Variants in CCDC148 observed in about 807,000 individuals in gnomAD.
CCDC148 encodes the protein coiled-coil domain containing 148.
A neutral mutation model predicts 85.7 loss-of-function variants in CCDC148; 89 were observed. That is an observed-to-expected ratio of 1.04 (90% confidence interval 0.87 to 1.24). The LOEUF is 1.24. CCDC148 is among the 50% of genes most tolerant of loss of function. The pLI, the probability that CCDC148 is intolerant of heterozygous loss-of-function variation, is 0.00. For synonymous variants in CCDC148, 230 were observed against 213.9 expected (o/e 1.08, Z -0.66); for missense variants, 692 against 671.7 (o/e 1.03, Z -0.33).
At chr2:158,376,708 G>A (rs1480410376) in intron 1 of CCDC148, among the ~76,000 whole-genome samples, 3 of 151,914 alleles carry the variant, frequency 2.0e-5, no homozygotes, top group African/African-American at 7.2e-5. Flanking sequence ...AAAAAGAAAC[G>A]CAGAGGGAAC....
intron 2 of CCDC148, among the ~76,000 whole-genome samples, chr2:158,346,769 A>G (rs1475164898): frequency 1.3e-5 from 2 of 152,228 alleles, no homozygotes; most frequent in African/African-American, 4.8e-5. Context: ...GGAAATGTAA[A>G]GACTTCAGAA....
intron 11 of CCDC148, among the ~76,000 whole-genome samples, chr2:158,197,885 T>A (rs911919102): frequency 6.6e-6 from 1 of 152,100 alleles, no homozygotes. Flanking sequence ...ATTAACTGGT[T>A]AATGCAATTA....
chr2:158,177,914 T>C (rs1684675351), intron 12 of CCDC148: 1 of 152,102 alleles, frequency 6.6e-6, no homozygotes. Flanking sequence ...ATGGGGATAT[T>C]AATATTGCCC....
At chr2:158,450,196 T>C (rs1239630494) in intron 1 of CCDC148, among the ~76,000 whole-genome samples, 2 of 152,190 alleles carry the variant, frequency 1.3e-5, no homozygotes, top group Non-Finnish European at 2.9e-5. Flanking sequence ...TTTTGAATGA[T>C]TCATTTTCTC....
intron 10 of CCDC148, among the ~76,000 whole-genome samples, chr2:158,224,193 CA>C (rs1687361952): frequency 6.6e-6 from 1 of 151,968 alleles, no homozygotes; most frequent in Non-Finnish European, 1.5e-5. Context: ...AGTAGCCGAT[CA>C]ACTGGAAGAA....
chr2:158,182,139 T>C (rs1037492580), intron 11 of CCDC148, among the ~76,000 whole-genome samples: 12 of 152,058 alleles, frequency 7.9e-5, no homozygotes, highest in African/African-American at 2.7e-4. Context: ...AAGAATTAAG[T>C]TCAGTTTGAA....
At chr2:158,407,816 G>A (rs1686090096) in intron 1 of CCDC148, among the ~76,000 whole-genome samples, 1 of 152,140 alleles carries the variant, frequency 6.6e-6, no homozygotes, top group East Asian at 1.9e-4. Context: ...GAGAGATCAT[G>A]CAGATTTCAT....
chr2:158,439,020 T>C (rs1414277108), intron 1 of CCDC148, among the ~76,000 whole-genome samples: 1 of 152,216 alleles, frequency 6.6e-6, no homozygotes, highest in Non-Finnish European at 1.5e-5. Context: ...ACTTTTACAC[T>C]GTTGGTGGGA....
chr2:158,326,742 A>G (rs770682032), intron 7 of CCDC148, among the ~76,000 whole-genome samples: 3 of 152,174 alleles, frequency 2.0e-5, no homozygotes, highest in Admixed American at 6.6e-5. Context: ...TCAAAATTCA[A>G]AAAGTTTAAT....
chr2:158,272,743 G>A (rs921736258), intron 9 of CCDC148, among the ~76,000 whole-genome samples: 1 of 152,192 alleles, frequency 6.6e-6, no homozygotes, highest in Non-Finnish European at 1.5e-5. Flanking sequence ...AACTGGTCTT[G>A]AGTCAAGCAT....
At chr2:158,208,402 G>A (rs1442183277) in intron 11 of CCDC148, among the ~76,000 whole-genome samples, 1 of 152,120 alleles carries the variant, frequency 6.6e-6, no homozygotes, top group Non-Finnish European at 1.5e-5. Context: ...ACTGTAAGCT[G>A]AGGCCTGATG....
At chr2:158,180,635 G>GA (rs1426198854) in intron 11 of CCDC148, among the ~76,000 whole-genome samples, 1 of 152,078 alleles carries the variant, frequency 6.6e-6, no homozygotes, top group Non-Finnish European at 1.5e-5. Flanking sequence ...GGCAAGAACA[G>GA]AACAAGTGAA....
intron 1 of CCDC148, among the ~76,000 whole-genome samples, chr2:158,376,506 C>T (rs1684656354): frequency 6.6e-6 from 1 of 152,012 alleles, no homozygotes; most frequent in Non-Finnish European, 1.5e-5. Flanking sequence ...CTATAAAACT[C>T]TATTAAATTA....
intron 11 of CCDC148, among the ~76,000 whole-genome samples, chr2:158,180,127 A>C (rs569205376): frequency 2.6e-5 from 4 of 152,116 alleles, no homozygotes; most frequent in Non-Finnish European, 4.4e-5. Context: ...TGAAAGATTT[A>C]GCTTTCTCTG....
At chr2:158,303,977 A>G (rs1332004738) in intron 9 of CCDC148, among the ~76,000 whole-genome samples, 1 of 152,132 alleles carries the variant, frequency 6.6e-6, no homozygotes, top group Admixed American at 6.5e-5. Flanking sequence ...GTACAGCATG[A>G]TGTGTGAGAC....
intron 11 of CCDC148, among the ~76,000 whole-genome samples, chr2:158,213,073 G>A (rs1686663099): frequency 6.6e-6 from 1 of 152,172 alleles, no homozygotes; most frequent in Admixed American, 6.5e-5. Context: ...TATGAATTTA[G>A]TTGGTCTGGA....
At chr2:158,333,053 G>T (rs2105234721) in intron 7 of CCDC148, among the ~76,000 whole-genome samples, 1 of 152,118 alleles carries the variant, frequency 6.6e-6, no homozygotes, top group African/African-American at 2.4e-5. Flanking sequence ...TCTGATCTTA[G>T]TTATTTCTTG....
At chr2:158,222,853 G>A (rs537481094) in intron 10 of CCDC148, among the ~76,000 whole-genome samples, 23 of 152,290 alleles carry the variant, frequency 1.5e-4, no homozygotes, top group Admixed American at 5.2e-4. Flanking sequence ...CAAGATGGCC[G>A]AATAGGAACA....
intron 2 of CCDC148, among the ~76,000 whole-genome samples, chr2:158,348,980 A>G (rs1366523926): frequency 6.6e-6 from 1 of 151,966 alleles, no homozygotes; most frequent in Non-Finnish European, 1.5e-5. Context: ...TTTTAGCCCA[A>G]CTCTATTATT....
Sources: allele counts gnomAD v4.1 joint callset (sites outside exome capture counted in the v4.1 genomes callset), GRCh38; gene constraint gnomAD v4.1.1; transcripts MANE v1.5; gene names NCBI Gene and HGNC (gene_info 2026-07-23, HGNC 2026-07-21).